Variants in SOX5 observed in about 807,000 individuals in gnomAD.
SOX5 encodes the protein transcription factor SOX-5.
Under a neutral mutation model 92.0 loss-of-function variants are expected in SOX5, and 9 were observed. The ratio of observed to expected loss-of-function variants is 0.10; its 90% CI spans 0.06 to 0.17. The LOEUF (loss-of-function observed/expected upper bound fraction) is 0.17, where lower values mean the gene tolerates loss of function less well. Among genes scored for constraint, SOX5 ranks in the 10% least tolerant of loss-of-function variants. The pLI is 1.00. For missense variants in SOX5, 642 were observed against 944.5 expected (o/e 0.68, Z 4.20); for synonymous variants, 344 against 336.3 (o/e 1.02, Z -0.25).
intron 4 of SOX5, among the ~76,000 whole-genome samples, chr12:24,055,259 G>A (rs933652607): frequency 4.6e-5 from 7 of 152,170 alleles, no homozygotes; most frequent in African/African-American, 1.7e-4. Context: ...CTTCAAGGAA[G>A]AGGGACCTAC....
chr12:23,969,695 T>C (rs1201223066), intron 4 of SOX5, among the ~76,000 whole-genome samples: 1 of 152,246 alleles, frequency 6.6e-6, no homozygotes, highest in African/African-American at 2.4e-5. Context: ...ACCTAGTTTT[T>C]ACTGTTACAG....
chr12:23,626,959 G>T (rs766397743), intron 8 of SOX5, among the ~76,000 whole-genome samples: 6 of 152,070 alleles, frequency 3.9e-5, no homozygotes. Flanking sequence ...GGAACACCGG[G>T]CATAAATGCG....
chr12:23,858,657 G>A (rs1174280080), intron 2 of SOX5, among the ~76,000 whole-genome samples: 1 of 152,080 alleles, frequency 6.6e-6, no homozygotes, highest in Non-Finnish European at 1.5e-5. Flanking sequence ...AAGAACTAAA[G>A]CCAGAACTAC....
intron 4 of SOX5, among the ~76,000 whole-genome samples, chr12:24,139,907 C>T (rs1056942064): frequency 4.6e-5 from 7 of 152,042 alleles, no homozygotes; most frequent in African/African-American, 7.2e-5. Context: ...TTAGGATATA[C>T]GAATGAATAC....
chr12:24,205,238 A>G (rs979469979), intron 4 of SOX5, among the ~76,000 whole-genome samples: 4 of 152,206 alleles, frequency 2.6e-5, no homozygotes, highest in Non-Finnish European at 5.9e-5. Flanking sequence ...AGTAGACACC[A>G]TATATTACTC....
intron 4 of SOX5, among the ~76,000 whole-genome samples, chr12:23,741,273 T>C (rs10082909): frequency 0.01 from 1,564 of 152,302 alleles, 38 homozygotes; most frequent in African/African-American, 0.036. Flanking sequence ...ACATTGGACT[T>C]CAAATGAAAT....
At chr12:23,931,003 C>A (rs770765009) in intron 1 of SOX5, among the ~76,000 whole-genome samples, 19 of 151,742 alleles carry the variant, frequency 1.3e-4, no homozygotes, top group Admixed American at 3.3e-4. Context: ...CTTAGTATGT[C>A]TCTCCCACCA....
intron 1 of SOX5, among the ~76,000 whole-genome samples, chr12:24,455,540 G>T (rs1288108046): frequency 1.3e-5 from 2 of 152,184 alleles, no homozygotes; most frequent in African/African-American, 4.8e-5. Context: ...TCATAGCAGA[G>T]TATGTTGATT....
intron 2 of SOX5, among the ~76,000 whole-genome samples, chr12:24,307,235 T>G (rs1948668345): frequency 1.3e-5 from 2 of 152,198 alleles, no homozygotes; most frequent in African/African-American, 4.8e-5. Context: ...GCATTATTTT[T>G]CCTATTTACT....
intron 8 of SOX5, among the ~76,000 whole-genome samples, chr12:23,637,131 A>AAT (rs980062191): frequency 9.2e-5 from 14 of 152,250 alleles, no homozygotes; most frequent in Non-Finnish European, 1.8e-4. Context: ...TTGTGTTTAA[A>AAT]ATATATATCC....
At chr12:23,874,170 A>T (rs891146934) in intron 2 of SOX5, among the ~76,000 whole-genome samples, 3 of 152,226 alleles carry the variant, frequency 2.0e-5, no homozygotes, top group Non-Finnish European at 4.4e-5. Context: ...TCTGGCCTGG[A>T]AACCTGAAGA....
At chr12:24,014,418 GC>G (rs1671106675) in intron 4 of SOX5, among the ~76,000 whole-genome samples, 2 of 152,134 alleles carry the variant, frequency 1.3e-5, no homozygotes, top group African/African-American at 4.8e-5. Flanking sequence ...GAGCCTTTTA[GC>G]CTCTTTCAGT....
At chr12:24,013,596 A>C (rs1188091869) in intron 4 of SOX5, among the ~76,000 whole-genome samples, 1 of 152,162 alleles carries the variant, frequency 6.6e-6, no homozygotes, top group Non-Finnish European at 1.5e-5. Context: ...AGATACTTGG[A>C]GAAGACCCTT....
At chr12:24,372,611 A>C (rs1956851574) in intron 1 of SOX5, among the ~76,000 whole-genome samples, 1 of 152,158 alleles carries the variant, frequency 6.6e-6, no homozygotes, top group Admixed American at 6.5e-5. Context: ...ATGTGTCTTT[A>C]TAGAGTGATT....
At chr12:24,397,209 T>A (rs1960269799) in intron 1 of SOX5, among the ~76,000 whole-genome samples, 1 of 151,980 alleles carries the variant, frequency 6.6e-6, no homozygotes, top group African/African-American at 2.4e-5. Context: ...CTTCCTCCCT[T>A]TTTTTTTCTT....
intron 4 of SOX5, among the ~76,000 whole-genome samples, chr12:24,017,023 A>T (rs1176790184): frequency 6.6e-6 from 1 of 152,216 alleles, no homozygotes; most frequent in East Asian, 1.9e-4. Flanking sequence ...AATAAAAAGG[A>T]ATGTGTTAAA....
chr12:23,975,699 A>G (rs977393147), intron 4 of SOX5, among the ~76,000 whole-genome samples: 1 of 152,198 alleles, frequency 6.6e-6, no homozygotes, highest in African/African-American at 2.4e-5. Flanking sequence ...GTTGATAATA[A>G]TTATATCTGC....
intron 1 of SOX5, among the ~76,000 whole-genome samples, chr12:24,508,456 A>C (rs1949006970): frequency 6.6e-6 from 1 of 152,216 alleles, no homozygotes; most frequent in Non-Finnish European, 1.5e-5. Context: ...GAGGAAAGGC[A>C]AACTTGGACA....
intron 4 of SOX5, among the ~76,000 whole-genome samples, chr12:24,207,563 GCTTA>G (rs1477922640): frequency 6.6e-6 from 1 of 152,172 alleles, no homozygotes. Flanking sequence ...TGCATTTAGT[GCTTA>G]CTGTTTGCAG....
Sources: gnomAD v4.1 joint callset for allele counts (sites outside exome capture counted in the v4.1 genomes callset) on GRCh38, gnomAD v4.1.1 for gene constraint, MANE v1.5 for transcripts, NCBI Gene and HGNC (gene_info 2026-07-23, HGNC 2026-07-21) for gene names.